Variants in ITFG1 observed in about 807,000 individuals in gnomAD.
ITFG1 encodes the protein T-cell immunomodulatory protein.
ITFG1 carries 34 observed loss-of-function variants against 81.8 expected under a neutral mutation model. That is an observed-to-expected ratio of 0.42 (90% CI 0.32 to 0.55). The LOEUF (loss-of-function observed/expected upper bound fraction) is 0.55, where lower values mean the gene tolerates loss of function less well. ITFG1 is among the 20% of genes least tolerant of loss of function. The pLI is 0.17. For synonymous variants in ITFG1, 285 were observed against 270.6 expected (o/e 1.05, Z -0.52); for missense variants, 672 against 755.4 (o/e 0.89, Z 1.29).
At chr16:47,266,372 C>T (rs1202469094) in intron 10 of ITFG1, among the ~76,000 whole-genome samples, 2 of 152,174 alleles carry the variant, frequency 1.3e-5, no homozygotes, top group Non-Finnish European at 2.9e-5. Flanking sequence ...CGCCTGCAAT[C>T]ATGCCCGGCT....
At chr16:47,242,835 T>C (rs1268600528) in intron 12 of ITFG1, among the ~76,000 whole-genome samples, 1 of 152,174 alleles carries the variant, frequency 6.6e-6, no homozygotes, top group East Asian at 1.9e-4. Flanking sequence ...CAATAGCAAT[T>C]ACTTCAGGTG....
intron 7 of ITFG1, among the ~76,000 whole-genome samples, chr16:47,374,515 G>A (rs1372842886): frequency 2.0e-5 from 3 of 151,878 alleles, no homozygotes; most frequent in Non-Finnish European, 2.9e-5. Context: ...GGCTTCCCCC[G>A]ACCCTCAGAT....
At chr16:47,278,539 G>A (rs1050795968) in intron 10 of ITFG1, among the ~76,000 whole-genome samples, 3 of 152,138 alleles carry the variant, frequency 2.0e-5, no homozygotes, top group East Asian at 1.9e-4. Context: ...GAAAGCATGC[G>A]AGGCAGGCCG....
chr16:47,263,851 G>A (rs1966241898), intron 10 of ITFG1, among the ~76,000 whole-genome samples: 1 of 152,084 alleles, frequency 6.6e-6, no homozygotes, highest in Non-Finnish European at 1.5e-5. Flanking sequence ...AGCTACTTTG[G>A]TCCTGTATTG....
At chr16:47,346,990 T>C (rs985879175) in intron 8 of ITFG1, among the ~76,000 whole-genome samples, 1 of 152,160 alleles carries the variant, frequency 6.6e-6, no homozygotes, top group African/African-American at 2.4e-5. Context: ...CTGATAAACA[T>C]AGATCAAAAA....
At chr16:47,451,824 C>G (rs1596993468) in intron 4 of ITFG1, among the ~76,000 whole-genome samples, 1 of 152,168 alleles carries the variant, frequency 6.6e-6, no homozygotes, top group Admixed American at 6.6e-5. Flanking sequence ...ATAGTAAGAG[C>G]AAGAAATAAA....
At chr16:47,389,863 C>T (rs888724231) in intron 6 of ITFG1, among the ~76,000 whole-genome samples, 10 of 152,044 alleles carry the variant, frequency 6.6e-5, no homozygotes, top group South Asian at 2.1e-4. Context: ...AAAGCAGTAA[C>T]GTAGGAGTAG....
In ITFG1 at chr16:47,428,821, G is replaced by A; in HGVS notation, c.638C>T (p.Thr213Ile). The change falls in exon 6 of 18, where the codon ACT (threonine) becomes ATT (isoleucine). Residue 213 changes from threonine (T) to isoleucine (I), a missense_variant. Around this residue, in one of 3 missense-constraint regions of ITFG1, gnomAD observed 560 missense variants for 625.7 expected, o/e 0.90. Coordinates refer to ENST00000320640, the MANE Select transcript of ITFG1 (RefSeq NM_030790.5). ...IPHSHAFIDL[T>I]EDFTADLFLT... ...CAACTCACCTGCTGTAAAATCTTCA[G>A]TCAGATCAATAAATGCATGAGAATG... 1.2e-6 allele frequency: 2 copies of A among 1,608,354 alleles called. No individual in the cohort carries two copies. Among genetic ancestry groups the A allele is most frequent in the East Asian group, 4.5e-5 (2 of 44,698 alleles).
chr16:47,205,310 C>A (rs264327), intron 14 of ITFG1, among the ~76,000 whole-genome samples: 1,560 of 152,238 alleles, frequency 0.01, 19 homozygotes, highest in Non-Finnish European at 0.013. Context: ...TAGCACCCTC[C>A]CAGTTGTGAC....
chr16:47,203,189 A>G (rs1223582412), intron 14 of ITFG1, among the ~76,000 whole-genome samples: 2 of 152,216 alleles, frequency 1.3e-5, no homozygotes, highest in Admixed American at 1.3e-4. Flanking sequence ...ATTCTGAAAC[A>G]TGCTACGCTG....
chr16:47,372,461 T>A (rs888647875), intron 7 of ITFG1, among the ~76,000 whole-genome samples: 1 of 151,818 alleles, frequency 6.6e-6, no homozygotes, highest in Admixed American at 6.6e-5. Context: ...CTCTCTTTTT[T>A]TTTTTTTTAT....
intron 14 of ITFG1, among the ~76,000 whole-genome samples, chr16:47,187,497 A>C (rs1353863164): frequency 2.0e-5 from 3 of 152,212 alleles, no homozygotes; most frequent in Admixed American, 1.3e-4. Context: ...ACCTGAGAAA[A>C]ACAAGCAATG....
At chr16:47,412,468 G>A (rs985047922) in intron 6 of ITFG1, among the ~76,000 whole-genome samples, 1 of 152,128 alleles carries the variant, frequency 6.6e-6, no homozygotes, top group African/African-American at 2.4e-5. Flanking sequence ...GCTCACTTGA[G>A]GTCAGGAGTT....
chr16:47,427,041 T>C (rs1969029701), intron 6 of ITFG1, among the ~76,000 whole-genome samples: 1 of 152,188 alleles, frequency 6.6e-6, no homozygotes, highest in South Asian at 2.1e-4. Context: ...TCAACTGTAC[T>C]GCAAGTGACT....
At chr16:47,235,755 C>G (rs1965866136) in intron 13 of ITFG1, among the ~76,000 whole-genome samples, 1 of 152,146 alleles carries the variant, frequency 6.6e-6, no homozygotes. Flanking sequence ...TCCAATATAA[C>G]ACTTTTTACT....
At chr16:47,417,627 C>T (rs909617351) in intron 6 of ITFG1, among the ~76,000 whole-genome samples, 3 of 152,176 alleles carry the variant, frequency 2.0e-5, no homozygotes, top group Admixed American at 1.3e-4. Context: ...TGAATGAGAA[C>T]TTGTGATATT....
chr16:47,411,986 T>C (rs1022834419), intron 6 of ITFG1, among the ~76,000 whole-genome samples: 1 of 152,128 alleles, frequency 6.6e-6, no homozygotes, highest in African/African-American at 2.4e-5. Flanking sequence ...TGCAGAAATC[T>C]AGCCACAAAT....
At chr16:47,265,190 TA>T (rs1447502702) in intron 10 of ITFG1, among the ~76,000 whole-genome samples, 15 of 131,800 alleles carry the variant, frequency 1.1e-4, no homozygotes, top group South Asian at 4.9e-4. Flanking sequence ...TTTTTTTTTT[TA>T]AATTTTGTTT....
At chr16:47,301,633 T>G (rs1596873946) in intron 10 of ITFG1, among the ~76,000 whole-genome samples, 1 of 152,146 alleles carries the variant, frequency 6.6e-6, no homozygotes, top group East Asian at 1.9e-4. Flanking sequence ...TGACCTCAAG[T>G]GATCCGTCCA....
Sources: allele counts gnomAD v4.1 joint callset (sites outside exome capture counted in the v4.1 genomes callset), GRCh38; gene constraint gnomAD v4.1.1; regional missense constraint gnomAD v4.1.1; transcripts MANE v1.5; gene names NCBI Gene and HGNC (gene_info 2026-07-23, HGNC 2026-07-21).